CDH12: variants seen among roughly 807,000 people sequenced by gnomAD.
The protein encoded by CDH12 is cadherin-12.
Under a neutral mutation model 74.1 loss-of-function variants are expected in CDH12, and 41 were observed. That is an observed-to-expected ratio of 0.55 (90% CI 0.43 to 0.72). CDH12 has a LOEUF of 0.72. CDH12 is among the 30% of genes least tolerant of loss of function. The probability of loss-of-function intolerance (pLI) is 0.00; values close to 1 mark genes in which losing one functional copy is unlikely to be tolerated. For synonymous variants in CDH12, 399 were observed against 355.0 expected, an observed-to-expected ratio of 1.12 and a Z score of -1.39; for missense variants, 945 against 977.2, an observed-to-expected ratio of 0.97 and a Z score of 0.44.
intron 1 of CDH12, among the ~76,000 whole-genome samples, chr5:22,819,978 C>CAT (rs1214689062): frequency 2.1e-5 from 3 of 145,406 alleles, no homozygotes; most frequent in Non-Finnish European, 3.0e-5. Flanking sequence ...TATACATATA[C>CAT]ATATATATAC....
intron 2 of CDH12, among the ~76,000 whole-genome samples, chr5:22,432,931 G>C (rs1744233564): frequency 6.6e-6 from 1 of 152,030 alleles, no homozygotes; most frequent in South Asian, 2.1e-4. Context: ...TTGAGCATTA[G>C]AATTCCTGAG....
chr5:22,038,509 A>C (rs1739338678), intron 5 of CDH12, among the ~76,000 whole-genome samples: 1 of 152,150 alleles, frequency 6.6e-6, no homozygotes, highest in African/African-American at 2.4e-5. Context: ...GCCATGGTGG[A>C]GCTGTACCAT....
At chr5:22,624,334 T>C (rs1009019352) in intron 1 of CDH12, among the ~76,000 whole-genome samples, 2 of 152,074 alleles carry the variant, frequency 1.3e-5, no homozygotes, top group Non-Finnish European at 2.9e-5. Context: ...ACTAAAGAGC[T>C]GCACAGCAGA....
At chr5:22,443,364 A>T (rs1744697776) in intron 2 of CDH12, among the ~76,000 whole-genome samples, 1 of 152,156 alleles carries the variant, frequency 6.6e-6, no homozygotes, top group Non-Finnish European at 1.5e-5. Context: ...TGTCATATGT[A>T]AGATAAGCTC....
intron 7 of CDH12, among the ~76,000 whole-genome samples, chr5:21,849,677 G>A (rs1750361883): frequency 6.6e-6 from 1 of 151,640 alleles, no homozygotes; most frequent in African/African-American, 2.4e-5. Flanking sequence ...TGCCCTTAAA[G>A]AAAGAAGATA....
intron 6 of CDH12, among the ~76,000 whole-genome samples, chr5:21,908,518 T>A (rs1012733649): frequency 6.6e-6 from 1 of 152,140 alleles, no homozygotes; most frequent in African/African-American, 2.4e-5. Flanking sequence ...ATATCTTTAT[T>A]TTCTCCAGAA....
chr5:21,948,436 A>T (rs1755676290), intron 6 of CDH12, among the ~76,000 whole-genome samples: 1 of 152,208 alleles, frequency 6.6e-6, no homozygotes, highest in Non-Finnish European at 1.5e-5. Flanking sequence ...TCAGACTTTC[A>T]TGGGGTCTGT....
chr5:22,832,936 T>A (rs755552988), intron 1 of CDH12, among the ~76,000 whole-genome samples: 30 of 152,318 alleles, frequency 2.0e-4, no homozygotes, highest in Middle Eastern at 6.8e-3. Context: ...TTTATTTAAA[T>A]TTTTAAAATG....
chr5:22,456,345 CAT>C (rs1177425404), intron 2 of CDH12, among the ~76,000 whole-genome samples: 5 of 151,824 alleles, frequency 3.3e-5, no homozygotes, highest in African/African-American at 1.2e-4. Flanking sequence ...AATCAGCTCT[CAT>C]GTGTCAGTGT....
intron 1 of CDH12, among the ~76,000 whole-genome samples, chr5:22,524,087 A>T (rs1415810354): frequency 4.0e-5 from 6 of 150,764 alleles, no homozygotes; most frequent in Non-Finnish European, 7.4e-5. Flanking sequence ...GGCTCAGGTG[A>T]TCCATCCACC....
intron 4 of CDH12, among the ~76,000 whole-genome samples, chr5:22,130,013 G>T (rs1357200228): frequency 2.6e-5 from 4 of 151,802 alleles, no homozygotes; most frequent in African/African-American, 9.7e-5. Context: ...GAAGTTCAAG[G>T]TGTTTTGCAT....
chr5:21,877,293 A>C (rs1032859813), intron 6 of CDH12, among the ~76,000 whole-genome samples: 1 of 151,996 alleles, frequency 6.6e-6, no homozygotes, highest in African/African-American at 2.4e-5. Context: ...CAATAGCTCC[A>C]CTTCTAGAAA....
At chr5:21,836,581 C>T (rs1749551709) in intron 8 of CDH12, among the ~76,000 whole-genome samples, 1 of 150,952 alleles carries the variant, frequency 6.6e-6, no homozygotes, top group African/African-American at 2.4e-5. Flanking sequence ...ATTTGTTTTC[C>T]TATTTCTTAC....
intron 1 of CDH12, among the ~76,000 whole-genome samples, chr5:22,537,388 T>C (rs574045160): frequency 6.6e-6 from 1 of 152,324 alleles, no homozygotes; most frequent in Admixed American, 6.5e-5. Flanking sequence ...TACAGTAGTA[T>C]TGACAGAGCA....
At chr5:22,776,197 G>A (rs1223589163) in intron 1 of CDH12, among the ~76,000 whole-genome samples, 2 of 152,032 alleles carry the variant, frequency 1.3e-5, no homozygotes, top group African/African-American at 4.8e-5. Context: ...TCTTGGACAG[G>A]TTAACTAATT....
intron 3 of CDH12, among the ~76,000 whole-genome samples, chr5:22,268,231 A>T (rs544208325): frequency 1.3e-5 from 2 of 151,958 alleles, no homozygotes; most frequent in South Asian, 4.2e-4. Context: ...TCTTGCTCTC[A>T]CTCTCTTTCA....
intron 2 of CDH12, among the ~76,000 whole-genome samples, chr5:22,482,225 T>C (rs903098565): frequency 1.3e-5 from 2 of 152,102 alleles, no homozygotes; most frequent in Non-Finnish European, 2.9e-5. Flanking sequence ...AAAACCGAGT[T>C]CAAAAAGAAC....
chr5:22,469,595 T>G (rs1162568011), intron 2 of CDH12, among the ~76,000 whole-genome samples: 1 of 152,154 alleles, frequency 6.6e-6, no homozygotes, highest in Non-Finnish European at 1.5e-5. Context: ...TAAGGTGGCA[T>G]TCTGAGGTAC....
intron 3 of CDH12, among the ~76,000 whole-genome samples, chr5:22,346,398 A>T (rs923565392): frequency 9.2e-5 from 14 of 152,172 alleles, no homozygotes; most frequent in African/African-American, 2.9e-4. Flanking sequence ...GATTACTATC[A>T]ATTCTACTTC....
Sources: allele counts gnomAD v4.1 joint callset (sites outside exome capture counted in the v4.1 genomes callset), GRCh38; gene constraint gnomAD v4.1.1; transcripts MANE v1.5; gene names NCBI Gene and HGNC (gene_info 2026-07-23, HGNC 2026-07-21).